LMBR1: variants seen among roughly 807,000 people sequenced by gnomAD.
The protein encoded by LMBR1 is limb region 1 protein homolog.
A neutral mutation model predicts 73.9 loss-of-function variants in LMBR1; 52 were observed. The observed-to-expected ratio is 0.70, with a 90% CI of 0.56 to 0.89. The LOEUF (loss-of-function observed/expected upper bound fraction) is 0.89. Among genes scored for constraint, LMBR1 ranks in the 40% least tolerant of loss-of-function variants. LMBR1 has a pLI of 0.00. For synonymous variants in LMBR1, 215 were observed against 209.4 expected, an observed-to-expected ratio of 1.03 and a Z score of -0.23; for missense variants, 539 against 579.8, an observed-to-expected ratio of 0.93 and a Z score of 0.72.
chr7:156,828,063 G>C (rs1415899846), intron 3 of LMBR1, among the ~76,000 whole-genome samples: 1 of 152,166 alleles, frequency 6.6e-6, no homozygotes, highest in African/African-American at 2.4e-5. Flanking sequence ...TCCAGTCATG[G>C]GAGGAAGCTA....
intron 2 of LMBR1, among the ~76,000 whole-genome samples, chr7:156,835,747 T>C (rs1459207221): frequency 1.3e-5 from 2 of 150,694 alleles, no homozygotes; most frequent in Admixed American, 6.6e-5. Flanking sequence ...AATGTCTCCA[T>C]ATTCATTTCA....
intron 5 of LMBR1, among the ~76,000 whole-genome samples, chr7:156,768,001 T>C (rs1288877403): frequency 6.6e-6 from 1 of 152,240 alleles, no homozygotes; most frequent in Non-Finnish European, 1.5e-5. Context: ...AGAAATTTAC[T>C]ATCCACTATA....
In LMBR1 at chr7:156,728,700, C is replaced by A. The variant is rs761192153; in HGVS notation, c.859G>T (p.Ala287Ser). 6.2e-7 allele frequency: 1 copy of A among 1,602,332 alleles called. No individual in the cohort carries two copies. The highest frequency in any genetic ancestry group is 8.5e-7 in the Non-Finnish European group (1 of 1,176,848). ...TKLERRKKAS[A>S]WERNLVYPAV... ...GGATACACCAAATTTCTTTCCCATG[C>A]TGAAGCCTTTTTTCGCCTCTCTATT... The change falls in exon 11 of 17, where the codon GCA becomes TCA. Residue 287 changes from alanine to serine, a missense_variant. Transcript: ENST00000353442.
At chr7:156,686,192 T>C (rs1349775507) in intron 16 of LMBR1, among the ~76,000 whole-genome samples, 1 of 152,206 alleles carries the variant, frequency 6.6e-6, no homozygotes, top group Non-Finnish European at 1.5e-5. Flanking sequence ...CGCCTAAAAC[T>C]TGGCTGTCAT....
At position 156,669,638 on chromosome 7, in the gene LMBR1, G is replaced by T. The variant is rs1448980336; in HGVS notation, n.867-351C>A. On this transcript the variant is annotated intron_variant and non_coding_transcript_variant, in intron 4 of 4. Coordinates refer to the LMBR1 transcript ENST00000430825. The surrounding 1 kb of genome is among the most constrained non-coding windows in gnomAD (Gnocchi z 4.2). ...TCAAGAGGGCGACCCACAGCCACGTGAACACTGGAAACTGCCCTCAGAGCC... is the reference window on the plus strand; with the variant it reads ...TCAAGAGGGCGACCCACAGCCACGTTAACACTGGAAACTGCCCTCAGAGCC... 6.6e-6 allele frequency among the ~76,000 whole-genome samples: 1 copy of T among 152,192 alleles called. No individual in the cohort carries two copies. The highest frequency in any genetic ancestry group is 6.5e-5 in the Admixed American group (1 of 15,278).
chr7:156,836,260 T>C (rs1016381065), intron 2 of LMBR1, among the ~76,000 whole-genome samples: 1 of 152,210 alleles, frequency 6.6e-6, no homozygotes, highest in South Asian at 2.1e-4. Context: ...AGTAAGGTAA[T>C]TGCTTAGGTA....
intron 15 of LMBR1, among the ~76,000 whole-genome samples, chr7:156,713,299 T>C (rs1304591141): frequency 1.3e-5 from 2 of 152,106 alleles, no homozygotes; most frequent in African/African-American, 2.4e-5. Flanking sequence ...CTACTCTGCA[T>C]GATGCCATAA....
chr7:156,785,798 G>T (rs1054207572), intron 5 of LMBR1, among the ~76,000 whole-genome samples: 5 of 152,132 alleles, frequency 3.3e-5, no homozygotes, highest in Non-Finnish European at 7.4e-5. Flanking sequence ...CCAGATAAAA[G>T]GTCAGTAAAG....
chr7:156,841,583 G>A (rs1261548902), intron 1 of LMBR1, among the ~76,000 whole-genome samples: 1 of 152,128 alleles, frequency 6.6e-6, no homozygotes, highest in African/African-American at 2.4e-5. Context: ...TAGATGTCTT[G>A]AAAGCCACAT....
At chr7:156,700,206 T>G (rs1585250033) in intron 15 of LMBR1, among the ~76,000 whole-genome samples, 1 of 152,216 alleles carries the variant, frequency 6.6e-6, no homozygotes, top group Non-Finnish European at 1.5e-5. Context: ...TGGAATACTA[T>G]GCAGCCATAA....
chr7:156,669,740 G>A lies in LMBR1; in HGVS notation n.867-453C>T, dbSNP rs943546197. ...GCAGGGCTGGGACTCCCAGGGAGAA[G>A]GGGCCATGGCTGGGCCCCTCCAGCA... is the stretch of plus-strand genomic sequence containing the variant. On this transcript the variant is annotated intron_variant and non_coding_transcript_variant, in intron 4 of 4. Transcript: ENST00000430825. This position sits in a 1 kb window ranked among gnomAD's most constrained non-coding sequence, Gnocchi z 4.2. Among the ~76,000 whole-genome samples the A allele has an allele frequency of 1.3e-5, 2 of 152,222 alleles. No homozygotes were observed. The highest frequency in any genetic ancestry group is 6.5e-5 in the Admixed American group (1 of 15,288).
At chr7:156,834,917 G>A (rs1024293508) in intron 2 of LMBR1, among the ~76,000 whole-genome samples, 3 of 151,666 alleles carry the variant, frequency 2.0e-5, no homozygotes, top group East Asian at 2.0e-4. Context: ...AGAGGCAGGC[G>A]GATCACAAGG....
chr7:156,789,478 G>A (rs377656799), intron 5 of LMBR1, among the ~76,000 whole-genome samples: 7 of 152,246 alleles, frequency 4.6e-5, no homozygotes, highest in Middle Eastern at 3.4e-3. Flanking sequence ...TGCCTTTGAT[G>A]TGTATAAATA....
intron 12 of LMBR1, chr7:156,726,187 T>C (rs181864871): frequency 1.6e-3 from 303 of 191,672 alleles, no homozygotes; most frequent in African/African-American, 6.7e-3. Flanking sequence ...AAAAACACAA[T>C]AGAAAAATAA....
chr7:156,779,877 A>G (rs77299409), intron 5 of LMBR1: 183 of 294,978 alleles, frequency 6.2e-4, no homozygotes, highest in African/African-American at 3.6e-3. Flanking sequence ...TAACATTAAA[A>G]TAAGGTTTGC....
chr7:156,786,402 G>A (rs1828112709), intron 5 of LMBR1, among the ~76,000 whole-genome samples: 1 of 152,128 alleles, frequency 6.6e-6, no homozygotes, highest in African/African-American at 2.4e-5. Flanking sequence ...GAAATCATAG[G>A]TAAGGGTAAC....
rs192560828 is a variant in LMBR1, at chr7:156,879,619, G to A, written c.66+13309C>T. On this transcript the variant is annotated intron_variant, in intron 1 of 16. Transcript: ENST00000353442. Reference sequence around the variant, plus strand: ...GTGGAGCTTGCAGTGAGCCAAGATCGCACCACTGCACTCCAGCCTGGGTGA... The same window carrying A: ...GTGGAGCTTGCAGTGAGCCAAGATCACACCACTGCACTCCAGCCTGGGTGA... Among the ~76,000 whole-genome samples the A allele has an allele frequency of 6.5e-3, 893 of 138,176 alleles. 14 individuals carry two copies. The highest frequency in any genetic ancestry group is 0.024 in the African/African-American group (864 of 36,630). The allele number at this position is 138,176 out of a possible 152,430, so 90.6% of individuals were successfully genotyped here.
intron 5 of LMBR1, among the ~76,000 whole-genome samples, chr7:156,791,425 G>C (rs1829207665): frequency 6.6e-6 from 1 of 152,150 alleles, no homozygotes. Flanking sequence ...ATGGAGGCCT[G>C]ATACAAATTA....
chr7:156,713,231 T>TGA (rs146382877), intron 15 of LMBR1, among the ~76,000 whole-genome samples: 12 of 147,236 alleles, frequency 8.2e-5, no homozygotes, highest in Admixed American at 2.0e-4. Flanking sequence ...CTGCCGGGGG[T>TGA]GAGAGAGAGA....
Sources: gnomAD v4.1 joint callset for allele counts (sites outside exome capture counted in the v4.1 genomes callset) on GRCh38, gnomAD v4.1.1 for gene constraint, Gnocchi (gnomAD v3.1) non-coding constraint, MANE v1.5 for transcripts, NCBI Gene and HGNC (gene_info 2026-07-23, HGNC 2026-07-21) for gene names.